Variants in NPAT observed in about 807,000 individuals in gnomAD.
The protein encoded by NPAT is nuclear protein, coactivator of histone transcription, also known as protein NPAT.
A neutral mutation model predicts 130.7 loss-of-function variants in NPAT; 52 were observed. The ratio of observed to expected loss-of-function variants is 0.40; its 90% CI spans 0.32 to 0.50. The LOEUF is 0.50. Ranked by LOEUF, NPAT falls within the 20% of genes least tolerant of loss-of-function variation. The pLI, the probability that NPAT is intolerant of heterozygous loss-of-function variation, is 0.68. For missense variants in NPAT, 1,687 were observed against 1,662.6 expected (o/e 1.01, Z -0.26); for synonymous variants, 580 against 584.8 (o/e 0.99, Z 0.12).
At chr11:108,175,737 G>T (rs1362065195) in intron 12 of NPAT, among the ~76,000 whole-genome samples, 1 of 152,172 alleles carries the variant, frequency 6.6e-6, no homozygotes, top group East Asian at 1.9e-4. Context: ...TTTTACTGGT[G>T]GGAGCAGGTG....
At chr11:108,189,787 G>A (rs904849509) in intron 5 of NPAT, among the ~76,000 whole-genome samples, 1 of 149,500 alleles carries the variant, frequency 6.7e-6, no homozygotes, top group East Asian at 2.0e-4. Flanking sequence ...GGAGAATGGC[G>A]TGAACCCGGG....
chr11:108,175,619 G>C (rs1428989582), intron 12 of NPAT, among the ~76,000 whole-genome samples: 1 of 152,152 alleles, frequency 6.6e-6, no homozygotes, highest in Non-Finnish European at 1.5e-5. Flanking sequence ...TTCAGCCTAA[G>C]AAGAAATGGA....
At chr11:108,185,552 ATT>A in intron 8 of NPAT, 58 bp from the exon 9 acceptor site, 1 of 1,143,758 alleles carries the variant, frequency 8.7e-7, no homozygotes, top group Non-Finnish European at 1.3e-6. Context: ...GCTATTTAAT[ATT>A]TATAAGAAAA....
At chr11:108,166,282 C>T (rs537734934) in intron 15 of NPAT, among the ~76,000 whole-genome samples, 1 of 152,150 alleles carries the variant, frequency 6.6e-6, no homozygotes, top group East Asian at 1.9e-4. Context: ...ATCCCAGCTA[C>T]AAGGGAGGCT....
intron 1 of NPAT, among the ~76,000 whole-genome samples, chr11:108,205,023 G>C (rs2078312287): frequency 6.6e-6 from 1 of 152,104 alleles, no homozygotes; most frequent in South Asian, 2.1e-4. Context: ...CTCTAAGTAG[G>C]ATAAACTAAA....
intron 1 of NPAT, among the ~76,000 whole-genome samples, chr11:108,204,584 G>A (rs899729009): frequency 6.6e-5 from 10 of 152,230 alleles, no homozygotes; most frequent in Admixed American, 3.9e-4. Flanking sequence ...ACCTGCCGGT[G>A]GGAAAGGGGC....
chr11:108,200,010 T>C (rs2078259396), intron 1 of NPAT, among the ~76,000 whole-genome samples: 1 of 152,238 alleles, frequency 6.6e-6, no homozygotes, highest in Non-Finnish European at 1.5e-5. Flanking sequence ...AGCAGTGTAA[T>C]TCAGAACAAC....
In NPAT at chr11:108,161,109, T is replaced by C; in HGVS notation, c.3977A>G (p.Asn1326Ser). Residue 1326 changes from asparagine (N) to serine (S), a missense_variant, in exon 17 of 18, where the codon AAC (asparagine) becomes AGC (serine). Asn to Ser is a conservative substitution (Grantham distance 46, BLOSUM62 1). Coordinates refer to ENST00000278612, the MANE Select transcript of NPAT (RefSeq NM_002519.3). ...CSPASETGSE[N>S]SVNMAAHTLM... ...TGTGTGGGCAGCCATATTTACACTGTTTTCACTTCCTGTTTCACTGGCAGG... is the reference window on the plus strand; with the variant it reads ...TGTGTGGGCAGCCATATTTACACTGCTTTCACTTCCTGTTTCACTGGCAGG... 6.2e-7 allele frequency: 1 copy of C among 1,614,188 alleles called. No individual in the cohort carries two copies. Among genetic ancestry groups the C allele is most frequent in the Admixed American group, 1.7e-5 (1 of 60,024 alleles).
intron 6 of NPAT, 80 bp from the exon 7 acceptor site, chr11:108,188,259 T>C (rs2078128307): frequency 9.5e-7 from 1 of 1,054,728 alleles, no homozygotes; most frequent in African/African-American, 1.6e-5. Context: ...AAAGCATTAG[T>C]GATTATTATT....
At position 108,222,530 on chromosome 11, in the gene NPAT, A is replaced by G. The variant is rs779009909; in HGVS notation, c.7T>C (p.Leu3=). 8.7e-6 allele frequency: 14 copies of G among 1,613,826 alleles called. No homozygotes were observed. The Admixed American group carries it at 2.3e-4, about 27-fold the overall frequency. The change falls in exon 1 of 18, where the codon TTA becomes CTA. Residue 3 remains leucine, a synonymous_variant. Coordinates refer to ENST00000278612, the MANE Select transcript of NPAT (RefSeq NM_002519.3). ...ACAAGCCGGGCTACGTCCGAGGGTA[A>G]CAACATGATCAAAACCACAGCAGGA... is the stretch of plus-strand genomic sequence containing the variant. ML[L]PSDVARLVLG... is the part of the protein sequence containing the mutation.
Position 108,173,854 on chromosome 11 carries a change from G to C in NPAT, c.1133-3C>G, listed in dbSNP as rs750884917. On this transcript the variant is annotated splice_region_variant and splice_polypyrimidine_tract_variant and intron_variant, in intron 12 of 17. Transcript: ENST00000278612. ...AGCGGGCTGACCAGACTGACCATCT[G>C]CAAAGTATCAGGCAGGTAGACAGAT... 1 of 1,613,310 alleles carries C rather than the reference G, an allele frequency of 6.2e-7. No homozygotes were observed. Among genetic ancestry groups the C allele is most frequent in the Non-Finnish European group, 8.5e-7 (1 of 1,179,316 alleles).
chr11:108,181,597 T>A (rs1193048493), intron 10 of NPAT, among the ~76,000 whole-genome samples: 1 of 152,196 alleles, frequency 6.6e-6, no homozygotes, highest in African/African-American at 2.4e-5. Flanking sequence ...CAATTAAAAA[T>A]TAAAAAATAA....
chr11:108,206,318 T>C (rs950947425), intron 1 of NPAT, among the ~76,000 whole-genome samples: 1 of 152,216 alleles, frequency 6.6e-6, no homozygotes, highest in Non-Finnish European at 1.5e-5. Context: ...TTCCGCCCAC[T>C]TGGCCAAGCA....
chr11:108,188,057 T>C, intron 7 of NPAT, 41 bp downstream of exon 7: 1 of 1,329,494 alleles, frequency 7.5e-7, no homozygotes, highest in South Asian at 1.2e-5. Context: ...TTTTTTTTTT[T>C]AATGGATACG....
intron 1 of NPAT, among the ~76,000 whole-genome samples, chr11:108,221,500 C>A (rs1389783847): frequency 6.6e-6 from 1 of 152,206 alleles, no homozygotes; most frequent in Non-Finnish European, 1.5e-5. Flanking sequence ...ACGTTTCCTG[C>A]AAAATGTGCT....
intron 1 of NPAT, among the ~76,000 whole-genome samples, chr11:108,214,115 C>T (rs1358121381): frequency 2.0e-5 from 3 of 152,090 alleles, no homozygotes; most frequent in East Asian, 3.9e-4. Flanking sequence ...AGGCTGGTCT[C>T]GCTCCCCTGG....
chr11:108,203,191 G>C (rs1055086808), intron 1 of NPAT, among the ~76,000 whole-genome samples: 3 of 152,120 alleles, frequency 2.0e-5, no homozygotes, highest in Non-Finnish European at 4.4e-5. Flanking sequence ...ATGTACAGAC[G>C]ACCTTTTCTC....
At position 108,213,254 on chromosome 11, in the gene NPAT, C is replaced by G. The variant is rs756413007; in HGVS notation, c.37+9246G>C. The stretch of plus-strand genomic sequence containing the variant: ...CGCCATTGCACTCCAGCCTGGGCAA[C>G]AAGAGCGAAACTCTGTCCCAAAAAC... On this transcript the variant is annotated intron_variant, in intron 1 of 17. Coordinates refer to ENST00000278612, the MANE Select transcript of NPAT (RefSeq NM_002519.3). Among the ~76,000 whole-genome samples, 5 of 152,000 alleles carry G rather than the reference C, an allele frequency of 3.3e-5. No individual in the cohort carries two copies. In the South Asian group the frequency reaches 1.0e-3, roughly 32 times the overall value.
intron 15 of NPAT, among the ~76,000 whole-genome samples, chr11:108,167,177 A>G (rs548311622): frequency 5.9e-5 from 9 of 152,276 alleles, no homozygotes; most frequent in Admixed American, 1.3e-4. Flanking sequence ...ATCATTTTCC[A>G]TAACAGTTTA....
Sources: gnomAD v4.1 joint callset for allele counts (sites outside exome capture counted in the v4.1 genomes callset) on GRCh38, gnomAD v4.1.1 for gene constraint, MANE v1.5 for transcripts, NCBI Gene and HGNC (gene_info 2026-07-23, HGNC 2026-07-21) for gene names.